UNC5B: variants seen among roughly 807,000 people sequenced by gnomAD.
The protein encoded by UNC5B is unc-5 netrin receptor B.
UNC5B carries 56 observed loss-of-function variants against 103.7 expected under a neutral mutation model. The ratio of observed to expected loss-of-function variants is 0.54; its 90% CI spans 0.44 to 0.67. The LOEUF is 0.67. Among genes scored for constraint, UNC5B ranks in the 30% least tolerant of loss-of-function variants. UNC5B has a pLI of 0.00. For synonymous variants in UNC5B, 577 were observed against 542.0 expected, an observed-to-expected ratio of 1.06 and a Z score of -0.90; for missense variants, 1,194 against 1,284.5, an observed-to-expected ratio of 0.93 and a Z score of 1.08.
At chr10:71,277,942 T>TGTGG (rs1375666526) in intron 1 of UNC5B, among the ~76,000 whole-genome samples, 3 of 152,166 alleles carry the variant, frequency 2.0e-5, no homozygotes, top group Admixed American at 6.5e-5. Flanking sequence ...GATTCCTGGG[T>TGTGG]GTGGAGACAC....
At chr10:71,262,741 C>A (rs1281908784) in intron 1 of UNC5B, among the ~76,000 whole-genome samples, 22 of 152,246 alleles carry the variant, frequency 1.4e-4, no homozygotes, top group African/African-American at 5.3e-4. Flanking sequence ...CTCTAGTCAC[C>A]CCAGTCACTC....
intron 2 of UNC5B, among the ~76,000 whole-genome samples, chr10:71,282,842 C>T (rs375318583): frequency 2.0e-5 from 3 of 151,676 alleles, no homozygotes; most frequent in Non-Finnish European, 4.4e-5. Flanking sequence ...TGGGGCCGGG[C>T]GCAGTGGCTC....
At chr10:71,238,313 G>A (rs1269763565) in intron 1 of UNC5B, among the ~76,000 whole-genome samples, 2 of 152,018 alleles carry the variant, frequency 1.3e-5, no homozygotes, top group East Asian at 3.9e-4. Context: ...CCCTGCCCAG[G>A]GCCCACTTCT....
intron 1 of UNC5B, among the ~76,000 whole-genome samples, 153 bp from the exon 2 acceptor site, chr10:71,279,668 C>G (rs1049042064): frequency 1.3e-5 from 2 of 152,170 alleles, no homozygotes; most frequent in Admixed American, 6.5e-5. Flanking sequence ...CAGACTTGAC[C>G]CCGGTTGCAG....
chr10:71,281,670 C>T (rs1348544656), intron 2 of UNC5B, among the ~76,000 whole-genome samples: 1 of 152,220 alleles, frequency 6.6e-6, no homozygotes, highest in Non-Finnish European at 1.5e-5. Flanking sequence ...GGAAACAAAA[C>T]AACACATATT....
intron 1 of UNC5B, among the ~76,000 whole-genome samples, chr10:71,225,629 T>C (rs1278712897): frequency 1.3e-5 from 2 of 152,206 alleles, no homozygotes; most frequent in African/African-American, 2.4e-5. Flanking sequence ...CGGCTGCCCA[T>C]TCTTAGAAAA....
chr10:71,293,439 C>T lies in UNC5B; in HGVS notation c.1807C>T (p.Pro603Ser). 4.3e-6 allele frequency: 7 copies of T among 1,614,034 alleles called. No individual in the cohort carries two copies. The South Asian group carries it at 6.6e-5, about 15-fold the overall frequency. Reference sequence around the variant, plus strand: ...AGAAGGGACCCAGACAGTATTGAGCCCCTCGGTGACCTGTGGACCCACAGG... The same window carrying T: ...AGAAGGGACCCAGACAGTATTGAGCTCCTCGGTGACCTGTGGACCCACAGG... The part of the protein sequence containing the change: ...LSEGTQTVLS[P>S]SVTCGPTGLL... Residue 603 changes from proline to serine, a missense_variant, in exon 12 of 17, where the codon CCC becomes TCC. Coordinates refer to ENST00000335350, the MANE Select transcript of UNC5B (RefSeq NM_170744.5).
At position 71,300,854 on chromosome 10, in the gene UNC5B, C is replaced by CCT. The variant is rs919111968; in HGVS notation, c.*1581_*1582dup. 2 of 152,350 alleles carry CCT rather than the reference C, an allele frequency of 1.3e-5. No homozygotes were observed. Among genetic ancestry groups the CCT allele is most frequent in the Non-Finnish European group, 2.9e-5 (2 of 68,130 alleles). 9.4% of individuals were successfully genotyped at this position (152,350 alleles called of 1,614,324 possible). A position where few individuals can be genotyped will look rare whatever the true frequency, so the allele number is the denominator to read the frequency against. The stretch of plus-strand genomic sequence containing the variant: ...CTCCACAGGCACCTCCTATAACCCT[C>CCT]CTCTCACCCACCCCGCTACGGTCTG... On this transcript the variant is annotated 3_prime_UTR_variant, in exon 17 of 17. Coordinates refer to ENST00000335350, the MANE Select transcript of UNC5B (RefSeq NM_170744.5).
intron 4 of UNC5B, among the ~76,000 whole-genome samples, 197 bp downstream of exon 4, chr10:71,285,626 C>G (rs1454452262): frequency 6.6e-6 from 1 of 150,384 alleles, no homozygotes; most frequent in Non-Finnish European, 1.5e-5. Context: ...CCAGCTGGGT[C>G]TGCCACAGGC....
chr10:71,254,582 G>C (rs970544483), intron 1 of UNC5B, among the ~76,000 whole-genome samples: 1 of 152,232 alleles, frequency 6.6e-6, no homozygotes. Context: ...TGGAGAGGCT[G>C]GGTTGGGGGG....
chr10:71,281,856 A>G (rs1213225377), intron 2 of UNC5B, among the ~76,000 whole-genome samples: 2 of 152,062 alleles, frequency 1.3e-5, no homozygotes, highest in African/African-American at 4.8e-5. Context: ...GCAGTCGATA[A>G]ACACCTGCTT....
In UNC5B at chr10:71,291,522, C is replaced by T. The variant is rs1311002313; in HGVS notation, c.1385C>T (p.Ser462Phe). The change falls in exon 10 of 17, where the codon TCC (serine) becomes TTC (phenylalanine). Residue 462 changes from serine to phenylalanine, a missense_variant. By Grantham distance (155) the Ser-to-Phe change is radical. Transcript: ENST00000335350. Reference protein sequence around the residue: ...YRGPVYALQDSTDKIPMTNSP... With the variant: ...YRGPVYALQDFTDKIPMTNSP... ...GGACCCGTGTATGCCCTGCAGGACT[C>T]CACCGACAAAATCCCCATGACCAAC... 1.2e-6 allele frequency: 2 copies of T among 1,614,052 alleles called. No individual in the cohort carries two copies. The highest frequency in any genetic ancestry group is 1.3e-5 in the African/African-American group (1 of 74,928).
intron 1 of UNC5B, among the ~76,000 whole-genome samples, chr10:71,278,179 A>G (rs2132296839): frequency 6.6e-6 from 1 of 150,826 alleles, no homozygotes; most frequent in Middle Eastern, 3.4e-3. Context: ...TCGATAAGTT[A>G]ACAACTTAAA....
chr10:71,265,577 G>A (rs546334241), intron 1 of UNC5B, among the ~76,000 whole-genome samples: 1 of 152,362 alleles, frequency 6.6e-6, no homozygotes, highest in Admixed American at 6.5e-5. Flanking sequence ...GCTCATGGGG[G>A]CTTCAGCTGC....
intron 1 of UNC5B, among the ~76,000 whole-genome samples, chr10:71,244,313 G>T (rs999004728): frequency 6.6e-6 from 1 of 152,172 alleles, no homozygotes. Context: ...GGTAAGGGTG[G>T]CCCCCCACCC....
chr10:71,213,094 G>C lies in UNC5B; in HGVS notation c.79+30G>C. Reference sequence around the variant, plus strand: ...GAAGCGATCGGGTCTGGGGGCGCGGGGCTAGGGGACCCTTGCGCCTCACTC... The same window carrying C: ...GAAGCGATCGGGTCTGGGGGCGCGGCGCTAGGGGACCCTTGCGCCTCACTC... On this transcript the variant is annotated intron_variant, in intron 1 of 16. Coordinates refer to ENST00000335350, the MANE Select transcript of UNC5B (RefSeq NM_170744.5). The surrounding 1 kb of genome is among the most constrained non-coding windows in gnomAD (Gnocchi z 4.1). 7.8e-7 allele frequency: 1 copy of C among 1,279,106 alleles called. No individual in the cohort carries two copies. The highest frequency in any genetic ancestry group is 3.0e-5 in the East Asian group (1 of 33,838). The allele number at this position is 1,279,106 out of a possible 1,614,324, so 79.2% of individuals were successfully genotyped here.
intron 1 of UNC5B, among the ~76,000 whole-genome samples, chr10:71,260,113 G>A (rs924182089): frequency 6.6e-6 from 1 of 152,246 alleles, no homozygotes; most frequent in Admixed American, 6.5e-5. Context: ...TCTCCTTCCT[G>A]TGGCCCAGCA....
chr10:71,212,987 TG>T lies in UNC5B; in HGVS notation c.7del (p.Ala3?), dbSNP rs1426136534. [M>X]GARSGARGAL... is the part of the protein sequence containing the mutation. ...GCGCCCGAACCAGGCCGCGGGAGCA[TG>T]GGGGCCCGGAGCGGAGCTCGGGGCG... On this transcript the variant is annotated frameshift_variant and start_lost, in exon 1 of 17. Transcript: ENST00000335350. LOFTEE classifies it high-confidence loss of function. 3 of 1,386,036 alleles carry T rather than the reference TG, an allele frequency of 2.2e-6. No individual in the cohort carries two copies. The highest frequency in any genetic ancestry group is 1.8e-5 in the South Asian group (1 of 57,036). The allele number at this position is 1,386,036 out of a possible 1,614,324, so 85.9% of individuals were successfully genotyped here.
rs1160989701 is a variant in UNC5B at position 71,286,717 on chromosome 10, T to TCGAC, written c.583_586dup (p.Pro196ArgfsTer123). ...GAATGGCTCAAGAATGAGGATGTCA[T>TCGAC]CGACCCCACCCAGGACACCAACTTC... On this transcript the variant is annotated frameshift_variant, in exon 5 of 17. Coordinates refer to ENST00000335350, the MANE Select transcript of UNC5B (RefSeq NM_170744.5). LOFTEE classifies it high-confidence loss of function. 6.2e-7 allele frequency: 1 copy of TCGAC among 1,614,016 alleles called. No homozygotes were observed. Among genetic ancestry groups the TCGAC allele is most frequent in the Admixed American group, 1.7e-5 (1 of 60,002 alleles).
Sources: gnomAD v4.1 joint callset for allele counts (sites outside exome capture counted in the v4.1 genomes callset) on GRCh38, gnomAD v4.1.1 for gene constraint, Gnocchi (gnomAD v3.1) non-coding constraint, MANE v1.5 for transcripts, NCBI Gene and HGNC (gene_info 2026-07-23, HGNC 2026-07-21) for gene names.